NOX4: variants seen among roughly 807,000 people sequenced by gnomAD.
NOX4 encodes the protein kidney oxidase-1.
NOX4 carries 69 observed loss-of-function variants against 87.6 expected under a neutral mutation model. That is an observed-to-expected ratio of 0.79 (90% CI 0.65 to 0.96). The LOEUF (loss-of-function observed/expected upper bound fraction) is 0.96, where lower values mean the gene tolerates loss of function less well. NOX4 is among the 40% of genes least tolerant of loss of function. The probability of loss-of-function intolerance (pLI) is 0.00; values close to 1 mark genes in which losing one functional copy is unlikely to be tolerated. For missense variants in NOX4, 680 were observed against 681.5 expected, an observed-to-expected ratio of 1.00 and a Z score of 0.02; for synonymous variants, 275 against 238.2, an observed-to-expected ratio of 1.15 and a Z score of -1.42.
At chr11:89,432,511 C>T (rs1413439926) in intron 7 of NOX4, among the ~76,000 whole-genome samples, 1 of 151,948 alleles carries the variant, frequency 6.6e-6, no homozygotes, top group Non-Finnish European at 1.5e-5. Context: ...ATACACTATC[C>T]TTCAAAAGAT....
Position 89,390,719 on chromosome 11 carries a change from G to A in NOX4, c.1074+9298C>T, listed in dbSNP as rs185080101. ...TTGTGCTGAGAATAAGGGAGGTGAG[G>A]TGAAAAATGACTTCATCATAGACCA... On this transcript the variant is annotated intron_variant, in intron 11 of 17. Transcript: ENST00000263317. 2.6e-5 allele frequency among the ~76,000 whole-genome samples: 4 copies of A among 152,174 alleles called. No individual in the cohort carries two copies. In the East Asian group the frequency reaches 7.7e-4, roughly 29 times the overall value.
At chr11:89,498,336 G>A (rs1390123183), upstream of NOX4, 1 of 152,124 alleles carries the variant, frequency 6.6e-6, no homozygotes, top group Non-Finnish European at 1.5e-5. Context: ...TCTATTATAT[G>A]ATAAAAATTA....
At chr11:89,423,182 T>C (rs1416727158) in intron 7 of NOX4, among the ~76,000 whole-genome samples, 5 of 152,138 alleles carry the variant, frequency 3.3e-5, no homozygotes, top group African/African-American at 1.2e-4. Context: ...TAATACACGC[T>C]GCCAATTGCC....
chr11:89,513,356 A>G, the NOX4 span, among the ~76,000 whole-genome samples: 1 of 151,976 alleles, frequency 6.6e-6, no homozygotes, highest in African/African-American at 2.4e-5. Context: ...AGGAATTCCA[A>G]CAGAGCTTTG....
chr11:89,491,196 G>C lies in NOX4; in HGVS notation c.51C>G (p.Leu17=). 1.2e-6 allele frequency: 2 copies of C among 1,613,876 alleles called. No homozygotes were observed. The highest frequency in any genetic ancestry group is 1.7e-6 in the Non-Finnish European group (2 of 1,179,864). ...SWLANEGVKH[L]CLFIWLSMNV... ...GCCTAGCCCGCCATCCTACCAGGCAGAGGTGTTTAACCCCTTCGTTGGCGA... is the reference window on the plus strand; with the variant it reads ...GCCTAGCCCGCCATCCTACCAGGCACAGGTGTTTAACCCCTTCGTTGGCGA... Residue 17 remains leucine, a synonymous_variant, in exon 1 of 18, where the codon CTC becomes CTG. Transcript: ENST00000263317.
chr11:89,334,768 G>A (rs12801670), intron 17 of NOX4, among the ~76,000 whole-genome samples: 5 of 151,498 alleles, frequency 3.3e-5, no homozygotes, highest in African/African-American at 1.2e-4. Context: ...ATGATTACAG[G>A]CAATTTTAAA....
chr11:89,514,789 C>T, the NOX4 span, among the ~76,000 whole-genome samples: 1 of 151,838 alleles, frequency 6.6e-6, no homozygotes, highest in African/African-American at 2.4e-5. Context: ...TTAAACTAAC[C>T]TTGCATTCCT....
the NOX4 span, among the ~76,000 whole-genome samples, chr11:89,556,428 C>T: frequency 6.6e-6 from 1 of 151,322 alleles, no homozygotes; most frequent in Non-Finnish European, 1.5e-5. Flanking sequence ...GAGGCTTAGG[C>T]AGGAGAATGG....
At chr11:89,476,539 A>G (rs1237984951) in intron 2 of NOX4, among the ~76,000 whole-genome samples, 5 of 145,806 alleles carry the variant, frequency 3.4e-5, no homozygotes, top group African/African-American at 1.4e-4. Flanking sequence ...TCCAACTCCT[A>G]TAACAAGTAA....
upstream of NOX4, among the ~76,000 whole-genome samples, chr11:89,502,027 C>T (rs1947027635): frequency 6.6e-6 from 1 of 152,044 alleles, no homozygotes; most frequent in Admixed American, 6.6e-5. Context: ...CACAAGGAGC[C>T]ACTTCCAGAC....
chr11:89,427,995 A>C (rs1361289110), intron 7 of NOX4, among the ~76,000 whole-genome samples: 1 of 152,244 alleles, frequency 6.6e-6, no homozygotes, highest in East Asian at 1.9e-4. Context: ...CACAAACGGA[A>C]GCCCATCAGA....
At chr11:89,346,683 G>T (rs1007837495) in intron 13 of NOX4, among the ~76,000 whole-genome samples, 5 of 152,048 alleles carry the variant, frequency 3.3e-5, no homozygotes, top group African/African-American at 1.2e-4. Flanking sequence ...ACTCGGCTTG[G>T]CCCTATCCTT....
chr11:89,555,659 G>A, the NOX4 span, among the ~76,000 whole-genome samples: 1 of 152,098 alleles, frequency 6.6e-6, no homozygotes, highest in Non-Finnish European at 1.5e-5. Flanking sequence ...CAGGCTAAGT[G>A]TAAGGAGCAA....
chr11:89,539,230 G>A, the NOX4 span, among the ~76,000 whole-genome samples: 4 of 152,052 alleles, frequency 2.6e-5, no homozygotes, highest in Non-Finnish European at 4.4e-5. Context: ...TCAGGAGATC[G>A]AGACGATCCT....
chr11:89,381,957 A>G (rs991911087), intron 11 of NOX4, among the ~76,000 whole-genome samples: 4 of 152,006 alleles, frequency 2.6e-5, no homozygotes, highest in African/African-American at 9.7e-5. Flanking sequence ...GACAGAAGAG[A>G]TGCATTTTAT....
intron 11 of NOX4, among the ~76,000 whole-genome samples, chr11:89,376,479 T>C (rs1222021619): frequency 6.6e-6 from 1 of 152,246 alleles, no homozygotes; most frequent in South Asian, 2.1e-4. Context: ...AGTATTGATA[T>C]CTACAGCTCT....
At chr11:89,430,708 C>T (rs570384770) in intron 7 of NOX4, among the ~76,000 whole-genome samples, 2 of 152,196 alleles carry the variant, frequency 1.3e-5, no homozygotes, top group South Asian at 2.1e-4. Context: ...TAAAAGAGGA[C>T]ACAAACAAAT....
intron 7 of NOX4, among the ~76,000 whole-genome samples, chr11:89,425,528 C>T (rs191726869): frequency 6.8e-4 from 103 of 150,702 alleles, no homozygotes; most frequent in Middle Eastern, 6.9e-3. Flanking sequence ...AGAATAATAA[C>T]AGAATATTTA....
intron 17 of NOX4, among the ~76,000 whole-genome samples, chr11:89,328,416 T>C (rs191480362): frequency 6.6e-6 from 1 of 152,212 alleles, no homozygotes; most frequent in East Asian, 1.9e-4. Context: ...AGAGGGGATA[T>C]TGGTAAAATT....
Sources: allele counts gnomAD v4.1 joint callset (sites outside exome capture counted in the v4.1 genomes callset), GRCh38; gene constraint gnomAD v4.1.1; transcripts MANE v1.5; gene names NCBI Gene and HGNC (gene_info 2026-07-23, HGNC 2026-07-21).